Variants in KLF17 observed in about 807,000 individuals in gnomAD.
The protein encoded by KLF17 is Krueppel-like factor 17.
Under a neutral mutation model 34.2 loss-of-function variants are expected in KLF17, and 31 were observed. That is an observed-to-expected ratio of 0.91 (90% CI 0.68 to 1.22). KLF17 has a LOEUF of 1.22. KLF17 is among the 50% of genes most tolerant of loss of function. KLF17 has a pLI of 0.00. For synonymous variants in KLF17, 179 were observed against 186.7 expected (o/e 0.96, Z 0.34); for missense variants, 478 against 505.2 (o/e 0.95, Z 0.52).
At chr1:44,066,637 C>T in the KLF17 span, among the ~76,000 whole-genome samples, 1 of 152,134 alleles carries the variant, frequency 6.6e-6, no homozygotes, top group African/African-American at 2.4e-5. Context: ...TGTTATTGAA[C>T]AATCACATAC....
the KLF17 span, among the ~76,000 whole-genome samples, chr1:44,085,094 G>GTA: frequency 3.6e-4 from 55 of 150,764 alleles, no homozygotes; most frequent in South Asian, 4.0e-3. Flanking sequence ...ATATATATAT[G>GTA]TATATATATA....
the KLF17 span, among the ~76,000 whole-genome samples, chr1:44,084,745 G>A: frequency 6.7e-6 from 1 of 149,884 alleles, no homozygotes; most frequent in Non-Finnish European, 1.5e-5. Context: ...GCTGAGCAAT[G>A]AGCACATTTA....
the KLF17 span, among the ~76,000 whole-genome samples, chr1:44,078,556 G>A: frequency 6.6e-6 from 1 of 151,538 alleles, no homozygotes; most frequent in Non-Finnish European, 1.5e-5. Flanking sequence ...CCCTGCCTCA[G>A]CCCCCTGAGT....
the KLF17 span, among the ~76,000 whole-genome samples, chr1:44,088,999 A>G: frequency 7.2e-5 from 11 of 152,204 alleles, no homozygotes; most frequent in Non-Finnish European, 1.3e-4. Context: ...AGGCCAAAGC[A>G]TTAGAAGGAA....
At chr1:44,092,200 G>A in the KLF17 span, among the ~76,000 whole-genome samples, 15 of 151,972 alleles carry the variant, frequency 9.9e-5, no homozygotes, top group South Asian at 2.1e-4. Context: ...AAATTAGCTG[G>A]GCGTGGTGGT....
chr1:44,077,450 T>G, the KLF17 span, among the ~76,000 whole-genome samples: 1 of 152,198 alleles, frequency 6.6e-6, no homozygotes, highest in African/African-American at 2.4e-5. Flanking sequence ...ATAAAACAAT[T>G]ATTTTACTAG....
At chr1:44,058,756 C>T in the KLF17 span, among the ~76,000 whole-genome samples, 7 of 135,938 alleles carry the variant, frequency 5.1e-5, no homozygotes, top group South Asian at 4.8e-4. Flanking sequence ...GGCGCTGTCT[C>T]GGCTCACTGC....
At chr1:44,049,786 G>A in the KLF17 span, among the ~76,000 whole-genome samples, 2 of 152,134 alleles carry the variant, frequency 1.3e-5, no homozygotes, top group African/African-American at 2.4e-5. Flanking sequence ...CCCGGCCTAT[G>A]TATTGTTTTC....
chr1:44,090,083 G>A, the KLF17 span, among the ~76,000 whole-genome samples: 2 of 149,312 alleles, frequency 1.3e-5, no homozygotes, highest in Non-Finnish European at 3.0e-5. Flanking sequence ...GCTGCAGTGA[G>A]CTCTGACCAT....
Position 44,129,788 on chromosome 1 carries a change from G to A in KLF17, c.517G>A (p.Gly173Arg). The A allele has an allele frequency of 6.2e-7, 1 of 1,614,128 alleles. No individual in the cohort carries two copies. The highest frequency in any genetic ancestry group is 8.5e-7 in the Non-Finnish European group (1 of 1,180,020). ...TGGAATCCCAATAATGTCCCACACT[G>A]GGAACCCTCCAGTGCCTTACCCTGG... Reference protein sequence around the residue: ...STGIPIMSHTGNPPVPYPGLS... With the variant: ...STGIPIMSHTRNPPVPYPGLS... Residue 173 changes from glycine (G) to arginine (R), a missense_variant, in exon 2 of 4, where the codon GGG becomes AGG. By Grantham distance (125) the Gly-to-Arg change is moderately radical. Coordinates refer to ENST00000372299, the MANE Select transcript of KLF17 (RefSeq NM_173484.4).
the KLF17 span, among the ~76,000 whole-genome samples, chr1:44,098,646 G>A: frequency 6.7e-6 from 1 of 148,938 alleles, no homozygotes; most frequent in Admixed American, 6.8e-5. Context: ...TGCCTCCTGG[G>A]TTCACGCCAT....
the KLF17 span, chr1:44,074,998 A>T: frequency 6.6e-6 from 1 of 152,180 alleles, no homozygotes; most frequent in African/African-American, 2.4e-5. Flanking sequence ...TACCTTCAAG[A>T]GGAATTATCA....
At chr1:44,063,517 T>G in the KLF17 span, among the ~76,000 whole-genome samples, 33 of 152,332 alleles carry the variant, frequency 2.2e-4, no homozygotes, top group African/African-American at 7.5e-4. Context: ...GCAAGCTGCT[T>G]CTTCTATGAT....
chr1:44,124,193 A>G (rs1387780223), intron 1 of KLF17, among the ~76,000 whole-genome samples: 4 of 151,486 alleles, frequency 2.6e-5, no homozygotes, highest in African/African-American at 9.7e-5. Context: ...TTATCCATTT[A>G]CTTTCCAAAG....
rs371898795 is a variant in KLF17 at position 44,130,632 on chromosome 1, G to A, written c.1046G>A (p.Ser349Asn). The stretch of plus-strand genomic sequence containing the variant: ...CGACCATATAAATGTGATCAGTGCA[G>A]CCGGGAGTTCATGAGGTCTGACCAT... ...RYRPYKCDQC[S>N]REFMRSDHLK... The change falls in exon 3 of 4, where the codon AGC becomes AAC. Residue 349 changes from serine (S) to asparagine (N), a missense_variant. Transcript: ENST00000372299. The A allele has an allele frequency of 1.5e-5, 24 of 1,613,984 alleles. No homozygotes were observed. Among genetic ancestry groups the A allele is most frequent in the Non-Finnish European group, 1.9e-5 (22 of 1,180,036 alleles).
upstream of KLF17, among the ~76,000 whole-genome samples, chr1:44,116,937 C>A (rs75899980): frequency 0.014 from 2,071 of 152,258 alleles, 24 homozygotes; most frequent in Non-Finnish European, 0.019. Flanking sequence ...GTTTCAGTTG[C>A]CTCCAAATCT....
chr1:44,130,337 C>T, intron 2 of KLF17, 141 bp downstream of exon 2: 1 of 1,420,882 alleles, frequency 7.0e-7, no homozygotes, highest in Non-Finnish European at 9.6e-7. Context: ...CCCGACTTGC[C>T]ATACAGGAGG....
At chr1:44,081,504 C>T in the KLF17 span, among the ~76,000 whole-genome samples, 3 of 151,612 alleles carry the variant, frequency 2.0e-5, no homozygotes, top group Non-Finnish European at 4.4e-5. Flanking sequence ...CAACCTCCAC[C>T]TCCCGGGTTC....
rs966661730 is a variant in KLF17, at chr1:44,122,199, C to T, written c.81+3211C>T. 5.6e-6 allele frequency: 9 copies of T among 1,601,854 alleles called. No homozygotes were observed. The African/African-American group carries it at 1.2e-4, about 21-fold the overall frequency. ...TCCTCTGCCACGGCCACGTCCTCTT[C>T]CTCTTCCTCTGCCTCTGCCTCTTCC... On this transcript the variant is annotated intron_variant, in intron 1 of 3. Transcript: ENST00000372299.
Sources: gnomAD v4.1 joint callset for allele counts (sites outside exome capture counted in the v4.1 genomes callset) on GRCh38, gnomAD v4.1.1 for gene constraint, MANE v1.5 for transcripts, NCBI Gene and HGNC (gene_info 2026-07-23, HGNC 2026-07-21) for gene names.